LPAR1: variants seen among roughly 807,000 people sequenced by gnomAD.
LPAR1 encodes the protein LPA receptor 1.
In LPAR1, 5 loss-of-function variants were observed where a neutral mutation model predicts 23.8. The observed-to-expected ratio is 0.21, with a 90% CI of 0.11 to 0.44. LPAR1 has a LOEUF of 0.44. LPAR1 is among the 20% of genes least tolerant of loss of function. The pLI, the probability that LPAR1 is intolerant of heterozygous loss-of-function variation, is 0.99. For synonymous variants in LPAR1, 160 were observed against 164.7 expected (o/e 0.97, Z 0.22); for missense variants, 311 against 482.8 (o/e 0.64, Z 3.33).
chr9:110,902,046 T>C (rs1055510889), intron 5 of LPAR1, among the ~76,000 whole-genome samples: 3 of 151,014 alleles, frequency 2.0e-5, no homozygotes, highest in African/African-American at 7.3e-5. Flanking sequence ...CTCCAAAAGG[T>C]GAAATGGTTA....
At chr9:110,943,139 T>C (rs536066776) in intron 4 of LPAR1, among the ~76,000 whole-genome samples, 23 of 148,022 alleles carry the variant, frequency 1.6e-4, no homozygotes, top group African/African-American at 5.4e-4. Flanking sequence ...TTATATATAA[T>C]AATATATTTA....
At chr9:110,988,673 C>T (rs770777974) in intron 2 of LPAR1, among the ~76,000 whole-genome samples, 3 of 152,078 alleles carry the variant, frequency 2.0e-5, no homozygotes, top group Non-Finnish European at 4.4e-5. Context: ...GAAATTGGAA[C>T]CCTTATACAT....
intron 2 of LPAR1, among the ~76,000 whole-genome samples, chr9:111,010,362 G>A (rs2097310241): frequency 6.6e-6 from 1 of 151,996 alleles, no homozygotes; most frequent in Admixed American, 6.6e-5. Flanking sequence ...GAGAACAAGA[G>A]CGCCAGTCAG....
At chr9:110,894,781 TG>T (rs1305468997) in intron 5 of LPAR1, among the ~76,000 whole-genome samples, 1 of 151,986 alleles carries the variant, frequency 6.6e-6, no homozygotes, top group African/African-American at 2.4e-5. Context: ...TTTGGGAGGC[TG>T]AGGCAGGAGG....
chr9:110,996,209 G>T (rs2139936534), intron 2 of LPAR1, among the ~76,000 whole-genome samples: 1 of 152,202 alleles, frequency 6.6e-6, no homozygotes, highest in East Asian at 1.9e-4. Context: ...TAACTAGTGT[G>T]AAAAGGGATT....
At chr9:110,885,594 C>T (rs916468542) in intron 5 of LPAR1, among the ~76,000 whole-genome samples, 2 of 152,208 alleles carry the variant, frequency 1.3e-5, no homozygotes, top group African/African-American at 4.8e-5. Flanking sequence ...TTCTCAGGAA[C>T]AGAATGTGAC....
At chr9:110,985,981 A>T (rs1423808668) in intron 2 of LPAR1, among the ~76,000 whole-genome samples, 2 of 152,078 alleles carry the variant, frequency 1.3e-5, no homozygotes, top group Non-Finnish European at 2.9e-5. Flanking sequence ...AAGGAATGAG[A>T]TCTACATTTT....
intron 2 of LPAR1, among the ~76,000 whole-genome samples, chr9:111,009,733 C>G (rs1253150881): frequency 6.6e-6 from 1 of 151,342 alleles, no homozygotes. Context: ...GGGACATATA[C>G]CAATACTGTT....
At chr9:110,958,787 T>C (rs890478292) in intron 4 of LPAR1, among the ~76,000 whole-genome samples, 12 of 151,926 alleles carry the variant, frequency 7.9e-5, no homozygotes, top group African/African-American at 2.4e-4. Context: ...GATAAAATAT[T>C]TTCTAACTAT....
At chr9:110,929,303 G>C (rs1380188535) in intron 5 of LPAR1, among the ~76,000 whole-genome samples, 1 of 152,054 alleles carries the variant, frequency 6.6e-6, no homozygotes, top group Non-Finnish European at 1.5e-5. Flanking sequence ...AGAGGCACAG[G>C]CTCTAGTTAG....
intron 2 of LPAR1, among the ~76,000 whole-genome samples, chr9:110,989,706 A>G (rs1232424540): frequency 2.0e-5 from 3 of 152,200 alleles, no homozygotes; most frequent in African/African-American, 7.2e-5. Flanking sequence ...AATAGACAAA[A>G]GCAAGATGAT....
intron 4 of LPAR1, among the ~76,000 whole-genome samples, chr9:110,956,205 G>A (rs1409267609): frequency 4.0e-5 from 6 of 150,372 alleles, no homozygotes; most frequent in South Asian, 2.1e-4. Flanking sequence ...CATGGACACC[G>A]GGAGGGGAAC....
chr9:111,009,768 A>T (rs1166556788), intron 2 of LPAR1, among the ~76,000 whole-genome samples: 1 of 151,752 alleles, frequency 6.6e-6, no homozygotes, highest in Non-Finnish European at 1.5e-5. Context: ...CTAGTTTTTC[A>T]GAATTTGCAT....
chr9:110,994,017 C>A (rs1369807534), intron 2 of LPAR1, among the ~76,000 whole-genome samples: 1 of 152,116 alleles, frequency 6.6e-6, no homozygotes, highest in Non-Finnish European at 1.5e-5. Flanking sequence ...CTAGAAAATA[C>A]TTACCATAAA....
chr9:111,011,195 A>G (rs1354231059), intron 2 of LPAR1, among the ~76,000 whole-genome samples: 1 of 150,678 alleles, frequency 6.6e-6, no homozygotes, highest in African/African-American at 2.5e-5. Flanking sequence ...TAGTTTAACT[A>G]GTCTTATTTC....
chr9:110,906,273 A>G (rs1254291182), intron 5 of LPAR1, among the ~76,000 whole-genome samples: 1 of 152,202 alleles, frequency 6.6e-6, no homozygotes, highest in East Asian at 1.9e-4. Flanking sequence ...ATGTAGGACA[A>G]TGTTAACCCT....
chr9:110,967,025 G>A (rs1209581223), intron 4 of LPAR1, among the ~76,000 whole-genome samples: 1 of 152,138 alleles, frequency 6.6e-6, no homozygotes, highest in East Asian at 1.9e-4. Context: ...ATATCCACAG[G>A]ATACGAACAC....
chr9:111,020,980 T>C (rs1223867971), intron 2 of LPAR1, among the ~76,000 whole-genome samples: 1 of 152,174 alleles, frequency 6.6e-6, no homozygotes, highest in Non-Finnish European at 1.5e-5. Flanking sequence ...TCATCTTTCT[T>C]CCCTCGATTT....
intron 2 of LPAR1, among the ~76,000 whole-genome samples, chr9:110,999,053 G>A (rs1308835777): frequency 6.6e-6 from 1 of 152,144 alleles, no homozygotes; most frequent in African/African-American, 2.4e-5. Context: ...TGATCAGTCA[G>A]CTCAACCCAG....
Sources: allele counts gnomAD v4.1 joint callset (sites outside exome capture counted in the v4.1 genomes callset), GRCh38; gene constraint gnomAD v4.1.1; transcripts MANE v1.5; gene names NCBI Gene and HGNC (gene_info 2026-07-23, HGNC 2026-07-21).